Variants in C12orf56 observed in about 807,000 individuals in gnomAD.
C12orf56 encodes the protein chromosome 12 open reading frame 56.
Under a neutral mutation model 69.9 loss-of-function variants are expected in C12orf56, and 71 were observed. That is an observed-to-expected ratio of 1.02 (90% CI 0.84 to 1.24). C12orf56 has a LOEUF of 1.24. C12orf56 is among the 50% of genes most tolerant of loss of function. The pLI is 0.00. For missense variants in C12orf56, 732 were observed against 738.5 expected, an observed-to-expected ratio of 0.99 and a Z score of 0.10; for synonymous variants, 276 against 274.1, an observed-to-expected ratio of 1.01 and a Z score of -0.07.
At chr12:64,333,975 G>A (rs140739749) in intron 2 of C12orf56, among the ~76,000 whole-genome samples, 2 of 152,310 alleles carry the variant, frequency 1.3e-5, no homozygotes, top group Non-Finnish European at 2.9e-5. Flanking sequence ...TGACAAAAGA[G>A]CCTGAGTGTA....
Position 64,308,326 on chromosome 12 carries a change from A to C in C12orf56, c.968+4353T>G, listed in dbSNP as rs112540352. ...GATAGTGGAAGACCCTGTATCAATA[A>C]ATACATACATACATACATACATAAA... On this transcript the variant is annotated intron_variant, in intron 5 of 12. Transcript: ENST00000543942. Among the ~76,000 whole-genome samples the C allele has an allele frequency of 3.1e-3, 468 of 152,278 alleles. 2 individuals are homozygous for C. The highest frequency in any genetic ancestry group is 7.7e-3 in the Admixed American group (118 of 15,294).
chr12:64,334,880 C>T (rs989123215), intron 2 of C12orf56, among the ~76,000 whole-genome samples: 23 of 151,980 alleles, frequency 1.5e-4, no homozygotes, highest in Admixed American at 3.9e-4. Flanking sequence ...TTTTCTAGAG[C>T]TGCAGTGAAT....
chr12:64,387,515 A>AG (rs1460323379), intron 1 of C12orf56, among the ~76,000 whole-genome samples: 1 of 152,214 alleles, frequency 6.6e-6, no homozygotes, highest in African/African-American at 2.4e-5. Context: ...CACAGGTAAA[A>AG]AAAAACAAAA....
At chr12:64,360,762 G>T (rs924637320) in intron 1 of C12orf56, among the ~76,000 whole-genome samples, 1 of 152,030 alleles carries the variant, frequency 6.6e-6, no homozygotes, top group African/African-American at 2.4e-5. Context: ...TTTTAGCACA[G>T]GCAATAATAT....
At chr12:64,336,779 T>A (rs2039002430) in intron 2 of C12orf56, among the ~76,000 whole-genome samples, 1 of 152,220 alleles carries the variant, frequency 6.6e-6, no homozygotes, top group Non-Finnish European at 1.5e-5. Context: ...CTGGCCTAGC[T>A]ACACAAGCTG....
In C12orf56 at chr12:64,265,476, A is replaced by G. The variant is rs941293567; in HGVS notation, c.*1707T>C. 1 of 152,248 alleles carries G rather than the reference A, an allele frequency of 6.6e-6. No homozygotes were observed. Among genetic ancestry groups the G allele is most frequent in the Non-Finnish European group, 1.5e-5 (1 of 68,056 alleles). The allele number at this position is 152,248 out of a possible 1,614,324, so 9.4% of individuals were successfully genotyped here. A position where few individuals can be genotyped will look rare whatever the true frequency, so the allele number is the denominator to read the frequency against. On this transcript the variant is annotated 3_prime_UTR_variant, in exon 13 of 13. Coordinates refer to ENST00000543942, the MANE Select transcript of C12orf56 (RefSeq NM_001170633.2). ...ACACACTACTCCATTTCAGAGTGTTAAATGTCTTGTCACAGGCAGAGAATG... is the reference window on the plus strand; with the variant it reads ...ACACACTACTCCATTTCAGAGTGTTGAATGTCTTGTCACAGGCAGAGAATG...
intron 1 of C12orf56, among the ~76,000 whole-genome samples, chr12:64,372,519 C>T (rs1348437672): frequency 6.6e-6 from 1 of 151,788 alleles, no homozygotes; most frequent in Non-Finnish European, 1.5e-5. Flanking sequence ...TTAGGTTTTG[C>T]TTTTCTTTTC....
At chr12:64,370,556 C>A (rs1050289279) in intron 1 of C12orf56, among the ~76,000 whole-genome samples, 1 of 151,902 alleles carries the variant, frequency 6.6e-6, no homozygotes, top group Non-Finnish European at 1.5e-5. Flanking sequence ...GAGGCTGAGG[C>A]ATGAGAATCG....
In C12orf56 at chr12:64,287,437, C is replaced by T. The variant is rs377714273; in HGVS notation, c.1114-1377G>A. 1.2e-3 allele frequency among the ~76,000 whole-genome samples: 153 copies of T among 131,994 alleles called. 2 individuals carry two copies. The East Asian group carries it at 0.025, about 21-fold the overall frequency. The allele number at this position is 131,994 out of a possible 152,430, so 86.6% of individuals were successfully genotyped here. On this transcript the variant is annotated intron_variant, in intron 6 of 12. Transcript: ENST00000543942. ...TATGTATACATGTGCCATGCTGGTGCGCTGCACCCACTAACTCGTCATCTA... is the reference window on the plus strand; with the variant it reads ...TATGTATACATGTGCCATGCTGGTGTGCTGCACCCACTAACTCGTCATCTA...
rs1490107092 is a variant in C12orf56, at chr12:64,266,871, T to C, written c.*312A>G. The stretch of plus-strand genomic sequence containing the variant: ...AGCTTTCCTAAATCCCTGCATTCCT[T>C]TTTCCTGTGTCTTGATGGATAGTCG... On this transcript the variant is annotated 3_prime_UTR_variant, in exon 13 of 13. Coordinates refer to ENST00000543942, the MANE Select transcript of C12orf56 (RefSeq NM_001170633.2). The C allele has an allele frequency of 2.1e-5, 7 of 334,010 alleles. No individual in the cohort carries two copies. Among genetic ancestry groups the C allele is most frequent in the East Asian group, 1.2e-4 (2 of 17,182 alleles). The allele number at this position is 334,010 out of a possible 1,614,324, so 20.7% of individuals were successfully genotyped here.
intron 2 of C12orf56, among the ~76,000 whole-genome samples, chr12:64,339,313 A>G (rs2039042003): frequency 6.6e-6 from 1 of 152,178 alleles, no homozygotes; most frequent in Non-Finnish European, 1.5e-5. Context: ...GCACCTCCTC[A>G]GGTTTAATAA....
intron 1 of C12orf56, among the ~76,000 whole-genome samples, 194 bp from the exon 2 acceptor site, chr12:64,353,250 T>C (rs1267051778): frequency 6.6e-6 from 1 of 152,088 alleles, no homozygotes. Flanking sequence ...CTCCACCTCC[T>C]GGGTTCGAGT....
intron 1 of C12orf56, among the ~76,000 whole-genome samples, chr12:64,385,031 G>A (rs2135989318): frequency 6.7e-6 from 1 of 149,270 alleles, no homozygotes; most frequent in Middle Eastern, 3.4e-3. Context: ...TCCAGCCTGG[G>A]CAACAGAGCG....
chr12:64,284,202 G>A (rs1236140476), intron 8 of C12orf56, among the ~76,000 whole-genome samples: 1 of 151,894 alleles, frequency 6.6e-6, no homozygotes, highest in Non-Finnish European at 1.5e-5. Context: ...CTGGCCTAGA[G>A]TGTCTTTATT....
intron 1 of C12orf56, among the ~76,000 whole-genome samples, chr12:64,369,420 ACTC>A (rs2039540282): frequency 6.6e-6 from 1 of 151,290 alleles, no homozygotes; most frequent in South Asian, 2.1e-4. Flanking sequence ...CTGGTCTTGA[ACTC>A]CTGACTACAA....
intron 1 of C12orf56, among the ~76,000 whole-genome samples, chr12:64,381,912 C>A (rs1393224436): frequency 6.6e-6 from 1 of 152,062 alleles, no homozygotes; most frequent in African/African-American, 2.4e-5. Context: ...TGGAAATGAG[C>A]AATTGTGTTT....
chr12:64,359,521 CT>C (rs1484039798), intron 1 of C12orf56, among the ~76,000 whole-genome samples: 2 of 152,058 alleles, frequency 1.3e-5, no homozygotes, highest in Non-Finnish European at 1.5e-5. Context: ...TAAAAAATGT[CT>C]CTTTCTAAAG....
rs184425901 is a variant in C12orf56, at chr12:64,267,856, G to A, written c.1764-568C>T. Among the ~76,000 whole-genome samples the A allele has an allele frequency of 2.0e-4, 30 of 152,210 alleles. No individual in the cohort carries two copies. In the East Asian group the frequency reaches 4.8e-3, roughly 24 times the overall value. On this transcript the variant is annotated intron_variant, in intron 12 of 12. Transcript: ENST00000543942. ...AGACAAATGGAAACAGAATTTCTAC[G>A]TGTGACACCTGGTTATCAGTATTTT...
At chr12:64,296,113 T>C (rs941500911) in intron 6 of C12orf56, among the ~76,000 whole-genome samples, 1 of 152,104 alleles carries the variant, frequency 6.6e-6, no homozygotes, top group Admixed American at 6.5e-5. Context: ...GTACCAGAAG[T>C]GGAATTGTTG....
Sources: gnomAD v4.1 joint callset for allele counts (sites outside exome capture counted in the v4.1 genomes callset) on GRCh38, gnomAD v4.1.1 for gene constraint, MANE v1.5 for transcripts, NCBI Gene and HGNC (gene_info 2026-07-23, HGNC 2026-07-21) for gene names.